USO1: variants seen among roughly 807,000 people sequenced by gnomAD.
The protein encoded by USO1 is general vesicular transport factor p115.
In USO1, 57 loss-of-function variants were observed where a neutral mutation model predicts 124.5. The ratio of observed to expected loss-of-function variants is 0.46; its 90% CI spans 0.37 to 0.57. The LOEUF (loss-of-function observed/expected upper bound fraction) is 0.57. Ranked by LOEUF, USO1 falls within the 20% of genes least tolerant of loss-of-function variation. USO1 has a pLI of 0.00. For synonymous variants in USO1, 369 were observed against 362.8 expected (o/e 1.02, Z -0.19); for missense variants, 900 against 1,040.6 (o/e 0.86, Z 1.86).
In USO1 at chr4:75,793,842, A is replaced by G; in HGVS notation, c.1393A>G (p.Thr465Ala). Reference sequence around the variant, plus strand: ...ACAGTTGCTCAGGGTTCAACTTGCTACAAGTATTGGCAACCCTCCAGTTTC... The same window carrying G: ...ACAGTTGCTCAGGGTTCAACTTGCTGCAAGTATTGGCAACCCTCCAGTTTC... ...KEQLLRVQLA[T>A]SIGNPPVSLL... Residue 465 changes from threonine to alanine, a missense_variant, in exon 13 of 24, where the codon ACA becomes GCA. Transcript: ENST00000514213. 2 of 1,614,006 alleles carry G rather than the reference A, an allele frequency of 1.2e-6. No individual in the cohort carries two copies. Among genetic ancestry groups the G allele is most frequent in the African/African-American group, 1.3e-5 (1 of 75,064 alleles).
chr4:75,780,778 G>T (rs1487725329), intron 8 of USO1, among the ~76,000 whole-genome samples: 1 of 148,922 alleles, frequency 6.7e-6, no homozygotes, highest in Non-Finnish European at 1.5e-5. Context: ...CTCGTGAGTA[G>T]CTGGGATTAC....
chr4:75,799,984 C>T (rs925181952), intron 14 of USO1, among the ~76,000 whole-genome samples: 1 of 151,240 alleles, frequency 6.6e-6, no homozygotes, highest in Non-Finnish European at 1.5e-5. Context: ...TGCTCTGTCG[C>T]CCAGGCTGGA....
intron 19 of USO1, 146 bp downstream of exon 19, chr4:75,805,449 G>C: frequency 8.2e-7 from 1 of 1,216,612 alleles, no homozygotes; most frequent in Non-Finnish European, 1.1e-6. Flanking sequence ...GCTTACGCCT[G>C]TAATCCTAGC....
chr4:75,774,111 G>A lies in USO1; in HGVS notation c.556-565G>A, dbSNP rs146032232. Among the ~76,000 whole-genome samples the A allele has an allele frequency of 4.1e-3, 631 of 152,214 alleles. 4 individuals are homozygous for A. Among genetic ancestry groups the A allele is most frequent in the African/African-American group, 0.015 (616 of 41,530 alleles). ...AGAAAAACTGGAAGTCAGAGGCAAT[G>A]GCTGCTGTGAATTGTCTTGTGTTGG... On this transcript the variant is annotated intron_variant, in intron 7 of 23. Transcript: ENST00000514213.
intron 4 of USO1, among the ~76,000 whole-genome samples, chr4:75,759,059 T>A (rs1430890559): frequency 6.6e-6 from 1 of 151,892 alleles, no homozygotes; most frequent in Non-Finnish European, 1.5e-5. Flanking sequence ...GCTGGGATAA[T>A]TTTTTCTGTT....
At chr4:75,791,166 G>A (rs1479863001) in intron 12 of USO1, among the ~76,000 whole-genome samples, 3 of 152,216 alleles carry the variant, frequency 2.0e-5, no homozygotes, top group Non-Finnish European at 2.9e-5. Context: ...AAGTACTCAC[G>A]CCAAAACTTA....
intron 7 of USO1, among the ~76,000 whole-genome samples, chr4:75,774,118 G>C (rs986282612): frequency 3.3e-5 from 5 of 152,176 alleles, no homozygotes; most frequent in Non-Finnish European, 2.9e-5. Context: ...AATGGCTGCT[G>C]TGAATTGTCT....
chr4:75,782,597 A>C, intron 8 of USO1, 83 bp from the exon 9 acceptor site: 1 of 1,459,516 alleles, frequency 6.9e-7, no homozygotes, highest in Non-Finnish European at 9.0e-7. Flanking sequence ...CTGAGCATGG[A>C]GATTTATCTT....
At chr4:75,740,271 T>C (rs1427053781) in intron 1 of USO1, among the ~76,000 whole-genome samples, 2 of 152,166 alleles carry the variant, frequency 1.3e-5, no homozygotes, top group African/African-American at 4.8e-5. Flanking sequence ...AAACTAACCC[T>C]GTATTTTCTC....
chr4:75,790,895 T>C (rs1682338869), intron 12 of USO1, 98 bp downstream of exon 12: 1 of 1,356,878 alleles, frequency 7.4e-7, no homozygotes. Flanking sequence ...CTAAAATACT[T>C]TGCATGCTTA....
chr4:75,758,167 G>A (rs1286775382), intron 4 of USO1, among the ~76,000 whole-genome samples: 1 of 152,040 alleles, frequency 6.6e-6, no homozygotes, highest in Non-Finnish European at 1.5e-5. Flanking sequence ...TATTGTCACT[G>A]TGTGAAGCTT....
intron 1 of USO1, among the ~76,000 whole-genome samples, chr4:75,726,398 G>T (rs1252035327): frequency 6.6e-6 from 1 of 151,554 alleles, no homozygotes; most frequent in Non-Finnish European, 1.5e-5. Flanking sequence ...TATTGCTCAT[G>T]CCTGTATTTC....
In USO1 at chr4:75,787,221, A is replaced by G; in HGVS notation, c.996+19A>G. The G allele has an allele frequency of 6.8e-7, 1 of 1,473,622 alleles. No homozygotes were observed. The highest frequency in any genetic ancestry group is 9.0e-7 in the Non-Finnish European group (1 of 1,111,234). The allele number at this position is 1,473,622 out of a possible 1,614,324, so 91.3% of individuals were successfully genotyped here. ...GACTGAGGTAAAGCAAATGAAGTCA[A>G]AGCCAACTCTGTGGAAGTTGAAATC... is the stretch of plus-strand genomic sequence containing the variant. On this transcript the variant is annotated intron_variant, in intron 10 of 23. Coordinates refer to ENST00000514213, the MANE Select transcript of USO1 (RefSeq NM_003715.4).
intron 8 of USO1, among the ~76,000 whole-genome samples, chr4:75,777,549 C>T (rs921339419): frequency 6.6e-6 from 1 of 152,110 alleles, no homozygotes; most frequent in Non-Finnish European, 1.5e-5. Context: ...ACAGACATCT[C>T]ACCAAAAAGA....
intron 1 of USO1, among the ~76,000 whole-genome samples, chr4:75,747,202 G>A (rs1455091193): frequency 6.6e-6 from 1 of 152,118 alleles, no homozygotes; most frequent in African/African-American, 2.4e-5. Flanking sequence ...AAATGAAAAG[G>A]CCATTTTGGT....
At chr4:75,727,384 T>C (rs1056767319) in intron 1 of USO1, among the ~76,000 whole-genome samples, 1 of 152,212 alleles carries the variant, frequency 6.6e-6, no homozygotes, top group Non-Finnish European at 1.5e-5. Context: ...TTGCCTAACT[T>C]TGAGTATGTA....
At chr4:75,788,417 C>T (rs1209767956) in intron 10 of USO1, among the ~76,000 whole-genome samples, 1 of 151,930 alleles carries the variant, frequency 6.6e-6, no homozygotes, top group Non-Finnish European at 1.5e-5. Context: ...ATCCACCCAT[C>T]TTGGCCTCCC....
At chr4:75,770,164 AC>A (rs1208046879) in intron 4 of USO1, 1 of 205,484 alleles carries the variant, frequency 4.9e-6, no homozygotes, top group Non-Finnish European at 9.8e-6. Context: ...TAGAAGAGTA[AC>A]CTAAAAATGC....
chr4:75,764,224 G>T (rs1294147362), intron 4 of USO1, among the ~76,000 whole-genome samples: 1 of 152,148 alleles, frequency 6.6e-6, no homozygotes, highest in African/African-American at 2.4e-5. Flanking sequence ...ATTTGCTTGT[G>T]CCCAGTGCAA....
Sources: allele counts gnomAD v4.1 joint callset (sites outside exome capture counted in the v4.1 genomes callset), GRCh38; gene constraint gnomAD v4.1.1; transcripts MANE v1.5; gene names NCBI Gene and HGNC (gene_info 2026-07-23, HGNC 2026-07-21).